ADAM8: variants seen among roughly 807,000 people sequenced by gnomAD.
ADAM8 encodes ADAM metallopeptidase domain 8.
In ADAM8, 104 loss-of-function variants were observed where a neutral mutation model predicts 102.4. That is an observed-to-expected ratio of 1.02 (90% CI 0.87 to 1.20). ADAM8 has a LOEUF of 1.20. ADAM8 is among the 50% of genes most tolerant of loss of function. The pLI, the probability that ADAM8 is intolerant of heterozygous loss-of-function variation, is 0.00. For synonymous variants in ADAM8, 517 were observed against 485.2 expected, an observed-to-expected ratio of 1.07 and a Z score of -0.86; for missense variants, 1,132 against 1,159.0, an observed-to-expected ratio of 0.98 and a Z score of 0.34.
intron 22 of ADAM8, 87 bp downstream of exon 22, chr10:133,263,601 T>C: frequency 5.6e-5 from 3 of 53,330 alleles, no homozygotes; most frequent in Non-Finnish European, 5.8e-5. Flanking sequence ...AACCCCACCC[T>C]CCAGGGCAGT....
Position 133,272,596 on chromosome 10 carries a change from G to A in ADAM8, c.706-11C>T. 6.2e-7 allele frequency: 1 copy of A among 1,602,070 alleles called. No individual in the cohort carries two copies. Among genetic ancestry groups the A allele is most frequent in the East Asian group, 2.2e-5 (1 of 44,730 alleles). On this transcript the variant is annotated splice_polypyrimidine_tract_variant and intron_variant, in intron 8 of 22. Transcript: ENST00000445355. Reference sequence around the variant, plus strand: ...GAGTTTCTGATATAGCTGGAGAGGTGGTGGAGTCCTGGGGGTCAGGCAGGG... The same window carrying A: ...GAGTTTCTGATATAGCTGGAGAGGTAGTGGAGTCCTGGGGGTCAGGCAGGG...
rs536197954 is a variant in ADAM8 at position 133,266,626 on chromosome 10, C to T, written c.2319+726G>A. Among the ~76,000 whole-genome samples the T allele has an allele frequency of 3.2e-3, 490 of 152,266 alleles. 2 individuals carry two copies. Among genetic ancestry groups the T allele is most frequent in the African/African-American group, 0.011 (438 of 41,550 alleles). On this transcript the variant is annotated intron_variant, in intron 21 of 22. Transcript: ENST00000445355. ...AGGACAGAGGCTGCTCACAATGTCC[C>T]GCAATGCCAAGTGGACCTCGATGGT...
In ADAM8 at chr10:133,269,436, G is replaced by A. The variant is rs768128165; in HGVS notation, c.1948+9C>T. 66 of 1,574,834 alleles carry A rather than the reference G, an allele frequency of 4.2e-5. No individual in the cohort carries two copies. Among genetic ancestry groups the A allele is most frequent in the Non-Finnish European group, 5.6e-5 (65 of 1,165,018 alleles). Reference sequence around the variant, plus strand: ...CCCAGCCCCACCTGCGCTGGCCAGGGAGGCCTACCTGCGTGCACCTCAGTC... The same window carrying A: ...CCCAGCCCCACCTGCGCTGGCCAGGAAGGCCTACCTGCGTGCACCTCAGTC... On this transcript the variant is annotated intron_variant, in intron 18 of 22. Coordinates refer to ENST00000445355, the MANE Select transcript of ADAM8 (RefSeq NM_001109.5).
chr10:133,263,096 G>A lies in ADAM8; in HGVS notation c.*60C>T, dbSNP rs1259508963. The A allele has an allele frequency of 6.3e-7, 1 of 1,589,802 alleles. No individual in the cohort carries two copies. Among genetic ancestry groups the A allele is most frequent in the Non-Finnish European group, 8.6e-7 (1 of 1,157,924 alleles). ...GGCACTAGCTGGACCGTGGAATGCTGGAACGCATGGCTTCTCTGCCGCAAC... is the reference window on the plus strand; with the variant it reads ...GGCACTAGCTGGACCGTGGAATGCTAGAACGCATGGCTTCTCTGCCGCAAC... On this transcript the variant is annotated 3_prime_UTR_variant, in exon 23 of 23. Coordinates refer to ENST00000445355, the MANE Select transcript of ADAM8 (RefSeq NM_001109.5).
chr10:133,270,962 C>G lies in ADAM8; in HGVS notation c.1483G>C (p.Gly495Arg), dbSNP rs758170777. 6.2e-7 allele frequency: 1 copy of G among 1,612,848 alleles called. No individual in the cohort carries two copies. The highest frequency in any genetic ancestry group is 8.5e-7 in the Non-Finnish European group (1 of 1,179,952). Residue 495 changes from glycine (G) to arginine (R), a missense_variant, in exon 14 of 23, where the codon GGC (glycine) becomes CGC (arginine). Physicochemically the swap from Gly to Arg is moderately radical, Grantham distance 125 (BLOSUM62 -2). Transcript: ENST00000445355. ...ECPEDAFQEN[G>R]TPCSGGYCYN... ...CAGTAGCCCCCGGAGCAGGGCGTGC[C>G]GTTCTCCTGGAAGGCGTCTTCCGGG...
intron 2 of ADAM8, chr10:133,274,856 T>C: frequency 2.3e-6 from 1 of 434,000 alleles, no homozygotes; most frequent in Non-Finnish European, 4.7e-6. Flanking sequence ...ATGTGCAGGC[T>C]GGGGCTCGGC....
At chr10:133,272,922 C>T (rs780033103) in intron 7 of ADAM8, 35 bp downstream of exon 7, 20 of 1,612,102 alleles carry the variant, frequency 1.2e-5, no homozygotes, top group East Asian at 6.7e-5. Context: ...CCCCCGCCGC[C>T]GGCTGCTCTC....
intron 16 of ADAM8, 40 bp from the exon 17 acceptor site, chr10:133,270,014 C>T (rs771120798): frequency 6.3e-7 from 1 of 1,599,158 alleles, no homozygotes. Context: ...CGCTCTGGAC[C>T]TCTGCCCCGC....
At position 133,273,619 on chromosome 10, in the gene ADAM8, C is replaced by T; in HGVS notation, c.383+143G>A. ...GGGTGAGCCTCTTGGGCTTGGCGTC[C>T]CCTGAGCAGACCCCCATGCAAGACA... On this transcript the variant is annotated intron_variant, in intron 5 of 22. Coordinates refer to ENST00000445355, the MANE Select transcript of ADAM8 (RefSeq NM_001109.5). The T allele has an allele frequency of 1.6e-6, 2 of 1,280,920 alleles. 1 individual carries two copies. The allele number at this position is 1,280,920 out of a possible 1,614,324, so 79.3% of individuals were successfully genotyped here.
At chr10:133,274,051 T>G (rs774956986) in intron 3 of ADAM8, 22 bp from the exon 4 acceptor site, 13 of 1,599,766 alleles carry the variant, frequency 8.1e-6, no homozygotes, top group Non-Finnish European at 1.0e-5. Context: ...GTGCTGTGAC[T>G]GCCTCGGCCC....
chr10:133,270,954 G>T lies in ADAM8; in HGVS notation c.1491C>A (p.Pro497=), dbSNP rs1422248446. ...PEDAFQENGT[P]CSGGYCYNGA... Reference sequence around the variant, plus strand: ...CGTTGTAGCAGTAGCCCCCGGAGCAGGGCGTGCCGTTCTCCTGGAAGGCGT... The same window carrying T: ...CGTTGTAGCAGTAGCCCCCGGAGCATGGCGTGCCGTTCTCCTGGAAGGCGT... The change falls in exon 14 of 23, where the codon CCC becomes CCA. Residue 497 remains proline (P), a synonymous_variant. Transcript: ENST00000445355. The T allele has an allele frequency of 6.2e-7, 1 of 1,612,822 alleles. No homozygotes were observed. Among genetic ancestry groups the T allele is most frequent in the East Asian group, 2.2e-5 (1 of 44,886 alleles).
In ADAM8 at chr10:133,271,011, G is replaced by T. The variant is rs1846504657; in HGVS notation, c.1434C>A (p.Phe478Leu). The change falls in exon 14 of 23, where the codon TTC (phenylalanine) becomes TTA (leucine). Residue 478 changes from phenylalanine to leucine, a missense_variant. Phe to Leu is a conservative substitution (Grantham distance 22). Coordinates refer to ENST00000445355, the MANE Select transcript of ADAM8 (RefSeq NM_001109.5). ...GGCACTCAGGGTGCCGGCCGTCACA[G>T]AACTCCTCGAGGTCACACATGTCCT... is the stretch of plus-strand genomic sequence containing the variant. ...PKKDMCDLEE[F>L]CDGRHPECPE... 1 of 1,612,850 alleles carries T rather than the reference G, an allele frequency of 6.2e-7. No individual in the cohort carries two copies. The highest frequency in any genetic ancestry group is 8.5e-7 in the Non-Finnish European group (1 of 1,179,970).
chr10:133,274,075 AG>A (rs754058093), intron 3 of ADAM8, 46 bp from the exon 4 acceptor site: 4 of 1,591,862 alleles, frequency 2.5e-6, no homozygotes. Context: ...CGGTGCAGAG[AG>A]GCTGGCCCAG....
At position 133,270,429 on chromosome 10, in the gene ADAM8, G is replaced by T; in HGVS notation, c.1716C>A (p.His572Gln). 1.2e-6 allele frequency: 2 copies of T among 1,606,812 alleles called. No individual in the cohort carries two copies. The highest frequency in any genetic ancestry group is 8.5e-7 in the Non-Finnish European group (1 of 1,175,128). ...CAGTGCCATCCTCTGTGGTGAGCGC[G>T]TGGCACACATCCACGATGCAGATGG... ...GRAICIVDVC[H>Q]ALTTEDGTAY... The change falls in exon 16 of 23, where the codon CAC becomes CAA. Residue 572 changes from histidine (H) to glutamine (Q), a missense_variant. His to Gln is a conservative substitution (Grantham distance 24). Transcript: ENST00000445355.
rs1401489525 is a variant in ADAM8, at chr10:133,272,517, G to A, written c.774C>T (p.Phe258=). 3 of 1,612,156 alleles carry A rather than the reference G, an allele frequency of 1.9e-6. No individual in the cohort carries two copies. The highest frequency in any genetic ancestry group is 2.7e-5 in the African/African-American group (2 of 74,850). Residue 258 remains phenylalanine, a synonymous_variant, in exon 9 of 23, where the codon TTC becomes TTT. Coordinates refer to ENST00000445355, the MANE Select transcript of ADAM8 (RefSeq NM_001109.5). ...GLEIWNSQDR[F]HVSPDPSVTL... Reference sequence around the variant, plus strand: ...TGACACTGGGGTCGGGGCTGACGTGGAACCTGTCCTGACTATTCCAAATCT... The same window carrying A: ...TGACACTGGGGTCGGGGCTGACGTGAAACCTGTCCTGACTATTCCAAATCT...
At chr10:133,264,866 C>CG (rs1846276884) in intron 21 of ADAM8, among the ~76,000 whole-genome samples, 2 of 144,924 alleles carry the variant, frequency 1.4e-5, no homozygotes, top group Non-Finnish European at 3.0e-5. Context: ...TACCTCCACG[C>CG]CTGTTCCTGC....
intron 16 of ADAM8, 126 bp from the exon 17 acceptor site, chr10:133,270,100 C>A: frequency 8.3e-7 from 1 of 1,211,676 alleles, no homozygotes. Context: ...TGCTTCAGCC[C>A]ATCTGCCGGC....
intron 8 of ADAM8, 101 bp downstream of exon 8, chr10:133,272,697 T>TGTGGG: frequency 6.5e-7 from 1 of 1,534,784 alleles, no homozygotes; most frequent in Non-Finnish European, 8.8e-7. Flanking sequence ...CAGGCACAGG[T>TGTGGG]GCGGGGCAGA....
chr10:133,267,241 G>A (rs118007277), intron 21 of ADAM8, 111 bp downstream of exon 21: 23,063 of 1,241,984 alleles, frequency 0.019, 268 homozygotes, highest in Non-Finnish European at 0.023. Flanking sequence ...TCTGTGTACA[G>A]CAGGGGCCAC....
Sources: gnomAD v4.1 joint callset for allele counts (sites outside exome capture counted in the v4.1 genomes callset) on GRCh38, gnomAD v4.1.1 for gene constraint, MANE v1.5 for transcripts, NCBI Gene and HGNC (gene_info 2026-07-23, HGNC 2026-07-21) for gene names.